Variants in SLC35A5 observed in about 807,000 individuals in gnomAD.
SLC35A5 encodes UDP-sugar transporter protein SLC35A5.
A neutral mutation model predicts 36.3 loss-of-function variants in SLC35A5; 28 were observed. That is an observed-to-expected ratio of 0.77 (90% confidence interval 0.57 to 1.06). SLC35A5 has a LOEUF of 1.06. Among genes scored for constraint, SLC35A5 ranks in the 50% least tolerant of loss-of-function variants. The pLI is 0.00. For synonymous variants in SLC35A5, 180 were observed against 173.7 expected (o/e 1.04, Z -0.29); for missense variants, 521 against 499.3 (o/e 1.04, Z -0.41).
In SLC35A5 at chr3:112,582,834, C is replaced by T. The variant is rs181760894; in HGVS notation, c.*98C>T. On this transcript the variant is annotated 3_prime_UTR_variant, in exon 7 of 7. Coordinates refer to ENST00000492406, the MANE Select transcript of SLC35A5 (RefSeq NM_017945.5). ...TCACTTTGATAAACCAGAAATGTTT[C>T]TAAATCCTAATATTCTTTGCATATA... 36 of 1,062,720 alleles carry T rather than the reference C, an allele frequency of 3.4e-5. No individual in the cohort carries two copies. The East Asian group carries it at 6.4e-4, about 19-fold the overall frequency. 65.8% of individuals were successfully genotyped at this position (1,062,720 alleles called of 1,614,324 possible).
In SLC35A5 at chr3:112,585,215, A is replaced by G. The variant is rs542421856; in HGVS notation, c.*2479A>G. 2 of 151,820 alleles carry G rather than the reference A, an allele frequency of 1.3e-5. No homozygotes were observed. The highest frequency in any genetic ancestry group is 3.9e-4 in the East Asian group (2 of 5,170). 9.4% of individuals were successfully genotyped at this position (151,820 alleles called of 1,614,324 possible). A position where few individuals can be genotyped will look rare whatever the true frequency, so the allele number is the denominator to read the frequency against. On this transcript the variant is annotated 3_prime_UTR_variant, in exon 7 of 7. Coordinates refer to ENST00000492406, the MANE Select transcript of SLC35A5 (RefSeq NM_017945.5). ...CAAGGCAGCAGGAGAGAGAGTGCCA[A>G]CAGGGGAAATGGCAGATGCTTATAA...
At chr3:112,580,252 G>A (rs1354680452) in intron 5 of SLC35A5, among the ~76,000 whole-genome samples, 1 of 152,162 alleles carries the variant, frequency 6.6e-6, no homozygotes, top group Non-Finnish European at 1.5e-5. Context: ...AGAGGTCCAG[G>A]ATACCTCTAG....
intron 2 of SLC35A5, among the ~76,000 whole-genome samples, chr3:112,568,109 A>G (rs1229069391): frequency 6.6e-6 from 1 of 152,206 alleles, no homozygotes; most frequent in Non-Finnish European, 1.5e-5. Context: ...AGGATCTTCC[A>G]TTCCATTTCA....
Position 112,581,077 on chromosome 3 carries a change from GGCT to G in SLC35A5, c.961_963del (p.Ala321del). On this transcript the variant is annotated inframe_deletion, in exon 6 of 7. Coordinates refer to ENST00000492406, the MANE Select transcript of SLC35A5 (RefSeq NM_017945.5). ...TAACTGCATTCCAGGGCCTTTCAGT[GGCT>G]TTCATTCTGAAGTTCCTGGATAACA... 1 of 1,613,928 alleles carries G rather than the reference GGCT, an allele frequency of 6.2e-7. No individual in the cohort carries two copies. Among genetic ancestry groups the G allele is most frequent in the Non-Finnish European group, 8.5e-7 (1 of 1,179,942 alleles).
chr3:112,568,640 A>G (rs1318635071), intron 2 of SLC35A5, among the ~76,000 whole-genome samples: 2 of 152,186 alleles, frequency 1.3e-5, no homozygotes, highest in African/African-American at 2.4e-5. Context: ...ACCTCAGTGT[A>G]CCATTTATCC....
upstream of SLC35A5, chr3:112,561,638 G>A (rs922805804): frequency 3.5e-6 from 4 of 1,147,226 alleles, no homozygotes; most frequent in African/African-American, 1.6e-5. Flanking sequence ...ATCAGCACCC[G>A]GCTGGCAGCA....
At position 112,580,567 on chromosome 3, in the gene SLC35A5, G is replaced by T. The variant is rs775606881; in HGVS notation, c.450G>T (p.Gln150His). Reference sequence around the variant, plus strand: ...ACAGGAGGCGTCTAAACTGGATCCAGTGGGCTTCCCTCCTGACTTTATTTT... The same window carrying T: ...ACAGGAGGCGTCTAAACTGGATCCATTGGGCTTCCCTCCTGACTTTATTTT... ...IVLKRRLNWI[Q>H]WASLLTLFLS... is the part of the protein sequence containing the mutation. Residue 150 changes from glutamine (Q) to histidine (H), a missense_variant, in exon 6 of 7, where the codon CAG becomes CAT. Transcript: ENST00000492406. 1.4e-5 allele frequency: 22 copies of T among 1,613,012 alleles called. No homozygotes were observed. Among genetic ancestry groups the T allele is most frequent in the Middle Eastern group, 1.6e-4 (1 of 6,082 alleles).
At chr3:112,578,400 T>C (rs1194365426) in intron 5 of SLC35A5, among the ~76,000 whole-genome samples, 2 of 152,212 alleles carry the variant, frequency 1.3e-5, no homozygotes, top group Non-Finnish European at 2.9e-5. Context: ...AACAATTCAC[T>C]TGGGAGGAGA....
In SLC35A5 at chr3:112,570,553, A is replaced by G. The variant is rs1234321078; in HGVS notation, c.243A>G (p.Arg81=). The change falls in exon 4 of 7, where the codon AGA becomes AGG. Residue 81 remains arginine (R), a synonymous_variant. Coordinates refer to ENST00000492406, the MANE Select transcript of SLC35A5 (RefSeq NM_017945.5). ...FCVIKKDHQS[R]NLKYASWKEF... is the part of the protein sequence containing the mutation. ...TTTCTTTCTAAGATCATCAAAGTAGAAATTTGAAATATGCTTCCTGGAAGG... is the reference window on the plus strand; with the variant it reads ...TTTCTTTCTAAGATCATCAAAGTAGGAATTTGAAATATGCTTCCTGGAAGG... 5.6e-6 allele frequency: 9 copies of G among 1,605,988 alleles called. No individual in the cohort carries two copies. The highest frequency in any genetic ancestry group is 6.8e-6 in the Non-Finnish European group (8 of 1,177,640).
upstream of SLC35A5, chr3:112,561,594 G>A (rs1160218340): frequency 2.0e-6 from 3 of 1,519,212 alleles, no homozygotes; most frequent in Admixed American, 1.8e-5. Context: ...AGGGGCCAGG[G>A]AGTCAGAAAA....
intron 3 of SLC35A5, among the ~76,000 whole-genome samples, chr3:112,569,827 C>T (rs558705130): frequency 1.8e-4 from 28 of 152,318 alleles, no homozygotes; most frequent in African/African-American, 6.5e-4. Context: ...CCAATTATTG[C>T]GCCTCCGCTC....
chr3:112,566,431 G>T (rs1559855958), intron 2 of SLC35A5, among the ~76,000 whole-genome samples: 1 of 152,256 alleles, frequency 6.6e-6, no homozygotes, highest in East Asian at 1.9e-4. Context: ...TAGATTTGGG[G>T]ACATTAATGT....
chr3:112,569,959 G>A (rs377404677), intron 3 of SLC35A5, among the ~76,000 whole-genome samples: 22 of 152,248 alleles, frequency 1.4e-4, no homozygotes, highest in South Asian at 1.2e-3. Context: ...GCAGTTTCTC[G>A]TTAGTGACTA....
At position 112,583,358 on chromosome 3, in the gene SLC35A5, A is replaced by G. The variant is rs1024310944; in HGVS notation, c.*622A>G. 2 of 380,028 alleles carry G rather than the reference A, an allele frequency of 5.3e-6. No homozygotes were observed. The highest frequency in any genetic ancestry group is 4.7e-6 in the Non-Finnish European group (1 of 214,326). The allele number at this position is 380,028 out of a possible 1,614,324, so 23.5% of individuals were successfully genotyped here. A position where few individuals can be genotyped will look rare whatever the true frequency, so the allele number is the denominator to read the frequency against. ...TCAGAATTTTAATTTTTAGAAATTC[A>G]TGGGAAATTGGATTTTTGTAATAAT... On this transcript the variant is annotated 3_prime_UTR_variant, in exon 7 of 7. Transcript: ENST00000492406.
intron 2 of SLC35A5, among the ~76,000 whole-genome samples, chr3:112,567,094 C>G (rs1318395416): frequency 6.6e-6 from 1 of 151,752 alleles, no homozygotes; most frequent in South Asian, 2.1e-4. Context: ...GGCGTGGTGG[C>G]GGGCACCTGT....
chr3:112,582,246 T>G (rs1197348124), intron 6 of SLC35A5, among the ~76,000 whole-genome samples: 1 of 152,110 alleles, frequency 6.6e-6, no homozygotes. Context: ...ATGAAAAAAT[T>G]AGGATCTTGA....
chr3:112,576,672 A>G (rs901626908), intron 5 of SLC35A5, among the ~76,000 whole-genome samples: 8 of 152,106 alleles, frequency 5.3e-5, no homozygotes, highest in African/African-American at 1.2e-4. Context: ...GGCTTATTTC[A>G]CTTAGCTTAG....
chr3:112,581,654 T>C (rs1252231501), intron 6 of SLC35A5, among the ~76,000 whole-genome samples: 1 of 152,220 alleles, frequency 6.6e-6, no homozygotes, highest in Admixed American at 6.5e-5. Context: ...CAAAATGGTT[T>C]ACAGATAATA....
Position 112,581,080 on chromosome 3 carries a change from T to C in SLC35A5, c.963T>C (p.Ala321=), listed in dbSNP as rs1272892572. The change falls in exon 6 of 7, where the codon GCT becomes GCC. Residue 321 remains alanine, a synonymous_variant. Transcript: ENST00000492406. The part of the protein sequence containing the change: ...FVTAFQGLSV[A]FILKFLDNMF... ...CTGCATTCCAGGGCCTTTCAGTGGC[T>C]TTCATTCTGAAGTTCCTGGATAACA... 6.2e-7 allele frequency: 1 copy of C among 1,613,978 alleles called. No individual in the cohort carries two copies. Among genetic ancestry groups the C allele is most frequent in the East Asian group, 2.2e-5 (1 of 44,892 alleles).
Sources: allele counts gnomAD v4.1 joint callset (sites outside exome capture counted in the v4.1 genomes callset), GRCh38; gene constraint gnomAD v4.1.1; transcripts MANE v1.5; gene names NCBI Gene and HGNC (gene_info 2026-07-23, HGNC 2026-07-21).